Variants in GNRHR observed in about 807,000 individuals in gnomAD.
GNRHR encodes the protein gonadotropin-releasing hormone receptor.
A neutral mutation model predicts 28.1 loss-of-function variants in GNRHR; 14 were observed. That is an observed-to-expected ratio of 0.50 (90% confidence interval 0.33 to 0.78). GNRHR has a LOEUF of 0.78. GNRHR is among the 30% of genes least tolerant of loss of function. The probability of loss-of-function intolerance (pLI) is 0.02; values close to 1 mark genes in which losing one functional copy is unlikely to be tolerated. For synonymous variants in GNRHR, 141 were observed against 140.5 expected, an observed-to-expected ratio of 1.00 and a Z score of -0.02; for missense variants, 366 against 382.1, an observed-to-expected ratio of 0.96 and a Z score of 0.35.
intron 1 of GNRHR, 72 bp downstream of exon 1, chr4:67,753,742 A>C: frequency 7.9e-7 from 1 of 1,265,540 alleles, no homozygotes; most frequent in Non-Finnish European, 1.1e-6. Flanking sequence ...TCCTTTGATA[A>C]GACCTTATAT....
chr4:67,743,369 CACA>C (rs1354087645), intron 2 of GNRHR, among the ~76,000 whole-genome samples: 1 of 152,092 alleles, frequency 6.6e-6, no homozygotes, highest in East Asian at 1.9e-4. Context: ...TCAAGGCAAC[CACA>C]ACATGTCATG....
rs79625361 is a variant in GNRHR at position 67,738,551 on chromosome 4, A to T, written c.*1929T>A. On this transcript the variant is annotated 3_prime_UTR_variant, in exon 3 of 3. Coordinates refer to ENST00000226413, the MANE Select transcript of GNRHR (RefSeq NM_000406.3). ...ACATTCGTTAACACGTGTGTGATAA[A>T]GCCCTTAGATTGTATCTGTACAAGT... 6.6e-6 allele frequency among the ~76,000 whole-genome samples: 1 copy of T among 151,960 alleles called. No individual in the cohort carries two copies. The highest frequency in any genetic ancestry group is 1.9e-4 in the East Asian group (1 of 5,204).
intron 1 of GNRHR, chr4:67,753,503 T>G (rs1577872957): frequency 7.4e-6 from 2 of 270,226 alleles, no homozygotes; most frequent in South Asian, 8.1e-5. Context: ...GAATCGCATT[T>G]TTTTTGGGGA....
In GNRHR at chr4:67,740,144, T is replaced by A; in HGVS notation, c.*336A>T. The A allele has an allele frequency of 4.0e-6, 1 of 252,630 alleles. No individual in the cohort carries two copies. The highest frequency in any genetic ancestry group is 7.7e-6 in the Non-Finnish European group (1 of 129,044). 15.6% of individuals were successfully genotyped at this position (252,630 alleles called of 1,614,324 possible). A position where few individuals can be genotyped will look rare whatever the true frequency, so the allele number is the denominator to read the frequency against. On this transcript the variant is annotated 3_prime_UTR_variant, in exon 3 of 3. Transcript: ENST00000226413. ...GTTTCTCACCTTTGTTTTTTTGGCA[T>A]CCTTGTGCCTTAGGCTGAAGGTATT...
rs778297307 is a variant in GNRHR, at chr4:67,740,702, C to T, written c.765G>A (p.Lys255=). ...TCAGCCGTGCTCTTGGTATATTGTT[C>T]TTGGACTGATTCAGTTGTAGTTCTG... The part of the protein sequence containing the change: ...DPHELQLNQS[K]NNIPRARLKT... Residue 255 remains lysine, a synonymous_variant, in exon 3 of 3, where the codon AAG becomes AAA. Transcript: ENST00000226413. 6.2e-7 allele frequency: 1 copy of T among 1,609,746 alleles called. No homozygotes were observed. Among genetic ancestry groups the T allele is most frequent in the Non-Finnish European group, 8.5e-7 (1 of 1,176,082 alleles).
At position 67,753,939 on chromosome 4, in the gene GNRHR, C is replaced by T. The variant is rs763932571; in HGVS notation, c.397G>A (p.Val133Met). ...FSMYAPAFMM[V>M]VISLDRSLAI... ...AGGGAGCGGTCCAGGCTGATCACCA[C>T]CATCATGAAGGCTGGGGCATACATG... Residue 133 changes from valine to methionine, a missense_variant, in exon 1 of 3, where the codon GTG (valine) becomes ATG (methionine). Val to Met is a conservative substitution (Grantham distance 21, BLOSUM62 1). Coordinates refer to ENST00000226413, the MANE Select transcript of GNRHR (RefSeq NM_000406.3). 1.9e-6 allele frequency: 3 copies of T among 1,614,008 alleles called. No individual in the cohort carries two copies. The highest frequency in any genetic ancestry group is 2.5e-6 in the Non-Finnish European group (3 of 1,179,952).
intron 1 of GNRHR, chr4:67,751,567 C>T (rs890104824): frequency 5.9e-5 from 9 of 152,064 alleles, no homozygotes. Context: ...AGTTAAGTTC[C>T]TATTTTCTTT....
In GNRHR at chr4:67,740,251, G is replaced by A; in HGVS notation, c.*229C>T. The stretch of plus-strand genomic sequence containing the variant: ...GTTATATGAGGTCAGAAAAGGCAGA[G>A]ATTAATTTAGAAGCTTATGAGGAAG... On this transcript the variant is annotated 3_prime_UTR_variant, in exon 3 of 3. Coordinates refer to ENST00000226413, the MANE Select transcript of GNRHR (RefSeq NM_000406.3). The A allele has an allele frequency of 2.1e-6, 1 of 486,582 alleles. No individual in the cohort carries two copies. Among genetic ancestry groups the A allele is most frequent in the Non-Finnish European group, 3.7e-6 (1 of 269,426 alleles). The allele number at this position is 486,582 out of a possible 1,614,324, so 30.1% of individuals were successfully genotyped here.
chr4:67,753,955 G>A lies in GNRHR; in HGVS notation c.381C>T (p.Ala127=). 1 of 1,613,900 alleles carries A rather than the reference G, an allele frequency of 6.2e-7. No individual in the cohort carries two copies. The highest frequency in any genetic ancestry group is 1.1e-5 in the South Asian group (1 of 91,068). Residue 127 remains alanine (A), a synonymous_variant, in exon 1 of 3, where the codon GCC becomes GCT. Transcript: ENST00000226413. The part of the protein sequence containing the change: ...LSYLKLFSMY[A]PAFMMVVISL... The stretch of plus-strand genomic sequence containing the variant: ...TGATCACCACCATCATGAAGGCTGG[G>A]GCATACATGGAGAAAAGCTTTAGAT...
chr4:67,740,784 G>A, intron 2 of GNRHR, 60 bp from the exon 3 acceptor site: 1 of 1,261,528 alleles, frequency 7.9e-7, no homozygotes. Flanking sequence ...AACCAAAGTG[G>A]ACAAAAAGGA....
chr4:67,741,441 CTCAT>C (rs1379517263), intron 2 of GNRHR, among the ~76,000 whole-genome samples: 1 of 152,052 alleles, frequency 6.6e-6, no homozygotes, highest in Admixed American at 6.5e-5. Context: ...TTTTTATTCA[CTCAT>C]TGATTGATGG....
Position 67,739,115 on chromosome 4 carries a change from T to C in GNRHR, c.*1365A>G, listed in dbSNP as rs942331966. On this transcript the variant is annotated 3_prime_UTR_variant, in exon 3 of 3. Coordinates refer to ENST00000226413, the MANE Select transcript of GNRHR (RefSeq NM_000406.3). ...ATTTAAAAAATGTTAAATGGCTTAA[T>C]TTCTTTTAAGACTCTTATGTTTTTC... 2.0e-5 allele frequency among the ~76,000 whole-genome samples: 3 copies of C among 152,018 alleles called. No individual in the cohort carries two copies. Among genetic ancestry groups the C allele is most frequent in the African/African-American group, 7.2e-5 (3 of 41,426 alleles).
intron 1 of GNRHR, among the ~76,000 whole-genome samples, chr4:67,746,739 CA>C (rs1440947234): frequency 6.7e-6 from 1 of 148,156 alleles, no homozygotes; most frequent in East Asian, 2.0e-4. Flanking sequence ...AAAAATACTT[CA>C]TTTTTTTTTA....
At position 67,740,190 on chromosome 4, in the gene GNRHR, A is replaced by T. The variant is rs1731631403; in HGVS notation, c.*290T>A. On this transcript the variant is annotated 3_prime_UTR_variant, in exon 3 of 3. Transcript: ENST00000226413. ...GTATTTTAAATATTAGTACATTATT[A>T]TGCAAAGAGAAAGTGATAAGAAACC... 1 of 321,402 alleles carries T rather than the reference A, an allele frequency of 3.1e-6. No homozygotes were observed. Among genetic ancestry groups the T allele is most frequent in the Non-Finnish European group, 5.9e-6 (1 of 170,450 alleles). The allele number at this position is 321,402 out of a possible 1,614,324, so 19.9% of individuals were successfully genotyped here. A position where few individuals can be genotyped will look rare whatever the true frequency, so the allele number is the denominator to read the frequency against.
At chr4:67,752,640 T>C (rs190835717) in intron 1 of GNRHR, among the ~76,000 whole-genome samples, 368 of 151,096 alleles carry the variant, frequency 2.4e-3, no homozygotes, top group African/African-American at 8.5e-3. Context: ...ATAAATCATA[T>C]ATTTTTCTTC....
chr4:67,748,581 A>G (rs771476261), intron 1 of GNRHR, among the ~76,000 whole-genome samples: 9 of 152,024 alleles, frequency 5.9e-5, no homozygotes, highest in Non-Finnish European at 8.8e-5. Context: ...ACAATATTGC[A>G]GTGTTCACTG....
At chr4:67,746,912 C>G (rs1469374976) in intron 1 of GNRHR, among the ~76,000 whole-genome samples, 2 of 151,986 alleles carry the variant, frequency 1.3e-5, no homozygotes, top group African/African-American at 4.8e-5. Context: ...AATAATTTTA[C>G]TATCACTCCA....
In GNRHR at chr4:67,749,080, C is replaced by T. The variant is rs558194059; in HGVS notation, c.523-4293G>A. ...TATGTCTTCAAGCATTATTTATCAT[C>T]ATCAACATTATTGCTATTGTTATTT... On this transcript the variant is annotated intron_variant, in intron 1 of 2. Coordinates refer to ENST00000226413, the MANE Select transcript of GNRHR (RefSeq NM_000406.3). 5.7e-4 allele frequency among the ~76,000 whole-genome samples: 87 copies of T among 152,234 alleles called. 1 individual carries two copies. Among genetic ancestry groups the T allele is most frequent in the African/African-American group, 1.8e-3 (75 of 41,568 alleles).
Position 67,740,277 on chromosome 4 carries a change from A to T in GNRHR, c.*203T>A, listed in dbSNP as rs771419728. 67 of 543,980 alleles carry T rather than the reference A, an allele frequency of 1.2e-4. No individual in the cohort carries two copies. The highest frequency in any genetic ancestry group is 1.8e-4 in the Non-Finnish European group (54 of 304,682). The allele number at this position is 543,980 out of a possible 1,614,324, so 33.7% of individuals were successfully genotyped here. On this transcript the variant is annotated 3_prime_UTR_variant, in exon 3 of 3. Transcript: ENST00000226413. Reference sequence around the variant, plus strand: ...ATTAATTTAGAAGCTTATGAGGAAGAGAAAATATTTTAGTATTTTTCCTGA... The same window carrying T: ...ATTAATTTAGAAGCTTATGAGGAAGTGAAAATATTTTAGTATTTTTCCTGA...
Sources: allele counts gnomAD v4.1 joint callset (sites outside exome capture counted in the v4.1 genomes callset), GRCh38; gene constraint gnomAD v4.1.1; transcripts MANE v1.5; gene names NCBI Gene and HGNC (gene_info 2026-07-23, HGNC 2026-07-21).